Variants in ADARB2 observed in about 807,000 individuals in gnomAD.
ADARB2 encodes inactive double-stranded RNA-specific editase B2.
ADARB2 carries 25 observed loss-of-function variants against 62.2 expected under a neutral mutation model. The ratio of observed to expected loss-of-function variants is 0.40; its 90% CI spans 0.29 to 0.56. The LOEUF is 0.56. Among genes scored for constraint, ADARB2 ranks in the 20% least tolerant of loss-of-function variants. The pLI is 0.43. For synonymous variants in ADARB2, 572 were observed against 500.8 expected, an observed-to-expected ratio of 1.14 and a Z score of -1.90; for missense variants, 1,071 against 1,077.4, an observed-to-expected ratio of 0.99 and a Z score of 0.08.
chr10:1,472,600 T>A (rs1421432647), intron 1 of ADARB2, among the ~76,000 whole-genome samples: 1 of 152,224 alleles, frequency 6.6e-6, no homozygotes, highest in Non-Finnish European at 1.5e-5. Context: ...AGAAAGATGG[T>A]GGCCATGGCC....
chr10:1,606,148 C>G (rs149475675), intron 1 of ADARB2, among the ~76,000 whole-genome samples: 1 of 152,226 alleles, frequency 6.6e-6, no homozygotes, highest in Non-Finnish European at 1.5e-5. Context: ...TCTCTTCCCC[C>G]GCTCCTTCCT....
chr10:1,655,655 A>G (rs1834164280), intron 1 of ADARB2, among the ~76,000 whole-genome samples: 1 of 152,114 alleles, frequency 6.6e-6, no homozygotes, highest in Non-Finnish European at 1.5e-5. Context: ...GGAAAACCAC[A>G]TTAGAAAAAG....
At chr10:1,415,006 G>A (rs995225088) in intron 1 of ADARB2, among the ~76,000 whole-genome samples, 4 of 151,616 alleles carry the variant, frequency 2.6e-5, no homozygotes, top group African/African-American at 9.7e-5. Context: ...TGGATGGATG[G>A]ATGGATGGAT....
intron 1 of ADARB2, among the ~76,000 whole-genome samples, chr10:1,551,129 AG>A (rs1832615430): frequency 6.6e-6 from 1 of 152,098 alleles, no homozygotes; most frequent in Non-Finnish European, 1.5e-5. Context: ...CCTTATAAGA[AG>A]AGGAGATGAG....
At chr10:1,336,633 C>T (rs1831976864) in intron 3 of ADARB2, among the ~76,000 whole-genome samples, 1 of 152,150 alleles carries the variant, frequency 6.6e-6, no homozygotes, top group Admixed American at 6.5e-5. Context: ...TACTTAGGTT[C>T]AGCTGCTTGT....
At position 1,280,196 on chromosome 10, in the gene ADARB2, G is replaced by A. The variant is rs541005333; in HGVS notation, c.1078-9127C>T. Among the ~76,000 whole-genome samples, 10 of 152,260 alleles carry A rather than the reference G, an allele frequency of 6.6e-5. 1 individual carries two copies. In the South Asian group the frequency reaches 2.1e-3, roughly 32 times the overall value. On this transcript the variant is annotated intron_variant, in intron 3 of 9. Transcript: ENST00000381312. ...ACTTAACCTGAACTACTTCCTTAGA[G>A]GCCCCATCTCCAAATACAGCCACAC...
chr10:1,515,436 C>A (rs2131947898), intron 1 of ADARB2, among the ~76,000 whole-genome samples: 1 of 152,380 alleles, frequency 6.6e-6, no homozygotes, highest in East Asian at 1.9e-4. Flanking sequence ...AGATCACAAC[C>A]ATTACAGCTT....
At chr10:1,675,669 G>T (rs1400129312) in intron 1 of ADARB2, among the ~76,000 whole-genome samples, 1 of 151,990 alleles carries the variant, frequency 6.6e-6, no homozygotes, top group Non-Finnish European at 1.5e-5. Context: ...CTGGAGGTTT[G>T]GGTTTGGGGG....
chr10:1,217,363 G>A (rs886733161), intron 6 of ADARB2, among the ~76,000 whole-genome samples: 2 of 152,154 alleles, frequency 1.3e-5, no homozygotes, highest in Admixed American at 6.5e-5. Context: ...AGGCTTCATG[G>A]GCCAGACTCT....
chr10:1,450,197 T>A lies in ADARB2; in HGVS notation c.101-71037A>T, dbSNP rs575818687. On this transcript the variant is annotated intron_variant, in intron 1 of 9. Transcript: ENST00000381312. Reference sequence around the variant, plus strand: ...AGGAATTCCTCCTGCATAGCCCTGGTCCTCAGTTACAAGCCTGCTTCTTTT... The same window carrying A: ...AGGAATTCCTCCTGCATAGCCCTGGACCTCAGTTACAAGCCTGCTTCTTTT... Among the ~76,000 whole-genome samples, 11 of 152,324 alleles carry A rather than the reference T, an allele frequency of 7.2e-5. No individual in the cohort carries two copies. The East Asian group carries it at 1.7e-3, about 24-fold the overall frequency.
intron 1 of ADARB2, among the ~76,000 whole-genome samples, chr10:1,525,988 TATGTGC>T (rs1832136741): frequency 1.3e-5 from 2 of 152,176 alleles, no homozygotes; most frequent in South Asian, 2.1e-4. Flanking sequence ...TGCATGCATA[TATGTGC>T]ATGTGCATGT....
intron 1 of ADARB2, among the ~76,000 whole-genome samples, chr10:1,632,445 T>G (rs1045942402): frequency 7.2e-5 from 11 of 151,834 alleles, no homozygotes; most frequent in African/African-American, 2.7e-4. Context: ...TGCACACACA[T>G]GCACACTACA....
chr10:1,406,220 C>T (rs1832707029), intron 1 of ADARB2, among the ~76,000 whole-genome samples: 1 of 152,244 alleles, frequency 6.6e-6, no homozygotes. Context: ...CCCAGCTGCT[C>T]TCCTTGCAGG....
At chr10:1,290,873 T>C (rs1831459955) in intron 3 of ADARB2, 1 of 152,000 alleles carries the variant, frequency 6.6e-6, no homozygotes, top group Non-Finnish European at 1.5e-5. Flanking sequence ...CATATTTCTG[T>C]TTTTTTGTGA....
intron 1 of ADARB2, among the ~76,000 whole-genome samples, chr10:1,634,503 C>T (rs182182863): frequency 6.6e-6 from 1 of 152,162 alleles, no homozygotes; most frequent in African/African-American, 2.4e-5. Flanking sequence ...TTCCTCCAGG[C>T]ACTCCTTCCT....
chr10:1,456,861 C>A (rs1249975424), intron 1 of ADARB2, among the ~76,000 whole-genome samples: 2 of 152,170 alleles, frequency 1.3e-5, no homozygotes, highest in Admixed American at 6.5e-5. Flanking sequence ...ATGGCACGAT[C>A]TTGGCTCACT....
intron 3 of ADARB2, among the ~76,000 whole-genome samples, chr10:1,346,242 C>T (rs551284773): frequency 2.2e-4 from 33 of 152,282 alleles, no homozygotes; most frequent in African/African-American, 7.2e-4. Flanking sequence ...CCCCATGCAC[C>T]GACAGGGTCT....
intron 1 of ADARB2, among the ~76,000 whole-genome samples, chr10:1,456,984 C>A (rs539399282): frequency 1.5e-5 from 2 of 134,876 alleles, no homozygotes; most frequent in Middle Eastern, 7.5e-3. Flanking sequence ...TTAGTAGAGA[C>A]GGGGGTTTCA....
rs778321753 is a variant in ADARB2, at chr10:1,233,693, C to G, written c.1513+1G>C. 6.2e-7 allele frequency: 1 copy of G among 1,611,080 alleles called. No homozygotes were observed. Among genetic ancestry groups the G allele is most frequent in the Non-Finnish European group, 8.5e-7 (1 of 1,178,500 alleles). ...CAGAAGGTAAAAGCATGGTCTCTTA[C>G]GGTCTGTGGTGATCTCGTAGGGAGA... On this transcript the variant is annotated splice_donor_variant, in intron 6 of 9. Transcript: ENST00000381312. LOFTEE classifies it high-confidence loss of function.
Sources: gnomAD v4.1 joint callset for allele counts (sites outside exome capture counted in the v4.1 genomes callset) on GRCh38, gnomAD v4.1.1 for gene constraint, MANE v1.5 for transcripts, NCBI Gene and HGNC (gene_info 2026-07-23, HGNC 2026-07-21) for gene names.